Variants in NUP214 observed in about 807,000 individuals in gnomAD.
NUP214 encodes nuclear pore complex protein Nup214.
NUP214 carries 79 observed loss-of-function variants against 196.2 expected under a neutral mutation model. The observed-to-expected ratio is 0.40, with a 90% CI of 0.34 to 0.49. NUP214 has a LOEUF of 0.49. Among genes scored for constraint, NUP214 ranks in the 20% least tolerant of loss-of-function variants. The probability of loss-of-function intolerance (pLI) is 0.58; values close to 1 mark genes in which losing one functional copy is unlikely to be tolerated. For missense variants in NUP214, 2,468 were observed against 2,539.0 expected, an observed-to-expected ratio of 0.97 and a Z score of 0.60; for synonymous variants, 1,020 against 990.5, an observed-to-expected ratio of 1.03 and a Z score of -0.56.
At chr9:131,223,274 C>G (rs1834613968) in intron 32 of NUP214, among the ~76,000 whole-genome samples, 1 of 152,010 alleles carries the variant, frequency 6.6e-6, no homozygotes, top group Non-Finnish European at 1.5e-5. Context: ...TCAAGCGATT[C>G]TCCTGCCTCA....
At chr9:131,218,872 G>A (rs777424718) in intron 31 of NUP214, among the ~76,000 whole-genome samples, 4 of 152,028 alleles carry the variant, frequency 2.6e-5, no homozygotes, top group Admixed American at 6.6e-5. Context: ...CTTCTGGTTT[G>A]GTCAGTTTGT....
intron 30 of NUP214, among the ~76,000 whole-genome samples, chr9:131,206,560 A>G (rs1834094972): frequency 6.6e-6 from 1 of 151,332 alleles, no homozygotes; most frequent in Non-Finnish European, 1.5e-5. Context: ...TCCTCCTATC[A>G]GTTCTCCAGA....
chr9:131,169,587 G>A (rs981448429), intron 21 of NUP214, among the ~76,000 whole-genome samples: 2 of 152,204 alleles, frequency 1.3e-5, no homozygotes, highest in South Asian at 2.1e-4. Flanking sequence ...GTGACTAATG[G>A]CTACTGTAAT....
At chr9:131,142,102 A>G (rs550466540) in intron 11 of NUP214, among the ~76,000 whole-genome samples, 4 of 152,224 alleles carry the variant, frequency 2.6e-5, no homozygotes, top group African/African-American at 9.6e-5. Context: ...AGGGTAGTCC[A>G]TTATTCATAG....
At chr9:131,199,804 T>TGCTA (rs1187920255) in intron 29 of NUP214, among the ~76,000 whole-genome samples, 2 of 152,220 alleles carry the variant, frequency 1.3e-5, no homozygotes, top group Admixed American at 1.3e-4. Context: ...TACTAGTAAC[T>TGCTA]GCTAATTCAT....
intron 29 of NUP214, among the ~76,000 whole-genome samples, chr9:131,200,788 G>A (rs1833919444): frequency 6.6e-6 from 1 of 151,944 alleles, no homozygotes; most frequent in African/African-American, 2.4e-5. Context: ...GTATAGTTCT[G>A]CCTCATGTTC....
intron 30 of NUP214, among the ~76,000 whole-genome samples, chr9:131,209,190 T>C (rs1312855288): frequency 2.0e-5 from 3 of 151,742 alleles, no homozygotes; most frequent in African/African-American, 7.3e-5. Flanking sequence ...CTGGGCAACA[T>C]GGCAAAATTC....
rs373574483 is a variant in NUP214 at position 131,198,210 on chromosome 9, G to C, written c.4716G>C (p.Thr1572=). ...ALSAEATPAT[T]GVPDARTEAV... is the part of the protein sequence containing the mutation. ...CTGCAGAGGCTACCCCAGCCACCAC[G>C]GGGGTCCCTGATGCCAGGACGGAGG... Residue 1572 remains threonine (T), a synonymous_variant, in exon 29 of 36, where the codon ACG becomes ACC. Transcript: ENST00000359428. 3 of 1,614,182 alleles carry C rather than the reference G, an allele frequency of 1.9e-6. No homozygotes were observed. The highest frequency in any genetic ancestry group is 2.5e-6 in the Non-Finnish European group (3 of 1,180,024).
rs1833833562 is a variant in NUP214, at chr9:131,197,784, A to G, written c.4290A>G (p.Thr1430=). 1 of 1,614,068 alleles carries G rather than the reference A, an allele frequency of 6.2e-7. No homozygotes were observed. Among genetic ancestry groups the G allele is most frequent in the Non-Finnish European group, 8.5e-7 (1 of 1,180,048 alleles). The change falls in exon 29 of 36, where the codon ACA becomes ACG. Residue 1430 remains threonine, a synonymous_variant. Coordinates refer to ENST00000359428, the MANE Select transcript of NUP214 (RefSeq NM_005085.4). ...GSSGVISFGG[T]SLSAGKTSFS... is the part of the protein sequence containing the mutation. ...CTGGGGTCATCAGTTTTGGTGGGAC[A>G]TCTCTAAGTGCTGGCAAGACTAGTT...
chr9:131,136,096 A>G, intron 9 of NUP214, 90 bp downstream of exon 9: 2 of 1,063,886 alleles, frequency 1.9e-6, no homozygotes, highest in African/African-American at 1.6e-5. Flanking sequence ...GCTGGAGTGC[A>G]GTGGTGCAAT....
At position 131,150,669 on chromosome 9, in the gene NUP214, C is replaced by G. The variant is rs1391332218; in HGVS notation, c.2181C>G (p.Ala727=). Residue 727 remains alanine (A), a synonymous_variant, in exon 16 of 36, where the codon GCC becomes GCG. Coordinates refer to ENST00000359428, the MANE Select transcript of NUP214 (RefSeq NM_005085.4). ...LEELKARTSK[A]CFQVGTSEEM... ...AGTTAAAAGCCCGAACTTCCAAAGC[C>G]TGTTTCCAAGTGGGCACTTCTGAGG... 2 of 1,614,168 alleles carry G rather than the reference C, an allele frequency of 1.2e-6. No homozygotes were observed. Among genetic ancestry groups the G allele is most frequent in the African/African-American group, 2.7e-5 (2 of 75,048 alleles).
chr9:131,223,493 T>C (rs1265023800), intron 32 of NUP214, among the ~76,000 whole-genome samples: 1 of 151,540 alleles, frequency 6.6e-6, no homozygotes, highest in Non-Finnish European at 1.5e-5. Flanking sequence ...GAACACAGAT[T>C]CTTCTTGGGG....
intron 9 of NUP214, chr9:131,136,620 A>G (rs1362937020): frequency 1.3e-5 from 2 of 152,220 alleles, no homozygotes; most frequent in African/African-American, 2.4e-5. Context: ...ATGATAATCC[A>G]TCCTCAGTTA....
At chr9:131,204,658 A>T (rs889066440) in intron 30 of NUP214, among the ~76,000 whole-genome samples, 1 of 152,336 alleles carries the variant, frequency 6.6e-6, no homozygotes, top group Non-Finnish European at 1.5e-5. Context: ...AGAGAGCGAA[A>T]TGAAAGATAC....
chr9:131,174,319 G>GT lies in NUP214; in HGVS notation c.3157+2dup, dbSNP rs1359570589. 3.7e-6 allele frequency: 6 copies of GT among 1,603,390 alleles called. No homozygotes were observed. In the African/African-American group the frequency reaches 6.7e-5, roughly 18 times the overall value. ...TCACCTGGTGTGATGGGAACTTCAGGTAAGTAAACAGTGGGAAAGGAAACT... is the reference window on the plus strand; with the variant it reads ...TCACCTGGTGTGATGGGAACTTCAGGTTAAGTAAACAGTGGGAAAGGAAACT... On this transcript the variant is annotated splice_donor_variant, in intron 22 of 35. Transcript: ENST00000359428. LOFTEE classifies it high-confidence loss of function.
chr9:131,196,618 A>T (rs1202566058), intron 28 of NUP214, among the ~76,000 whole-genome samples: 1 of 152,180 alleles, frequency 6.6e-6, no homozygotes, highest in Non-Finnish European at 1.5e-5. Context: ...AGGTAAAGCA[A>T]CCTTTCCAGA....
chr9:131,205,696 G>T (rs548904938), intron 30 of NUP214, among the ~76,000 whole-genome samples: 1 of 152,040 alleles, frequency 6.6e-6, no homozygotes, highest in Non-Finnish European at 1.5e-5. Flanking sequence ...TTGTTTTTTT[G>T]TTGTTGTTTT....
chr9:131,158,245 A>G (rs539523305), intron 17 of NUP214, among the ~76,000 whole-genome samples: 48 of 151,958 alleles, frequency 3.2e-4, no homozygotes, highest in African/African-American at 1.2e-3. Context: ...TGCCCAGCTA[A>G]TTTTTGTATT....
rs34588166 is a variant in NUP214 at position 131,161,259 on chromosome 9, C to CTT, written c.2541-1717_2541-1716dup. ...ATTACCTTGAACCCTATTGAAATGC[C>CTT]TTTTTTTTTTTTTTTTGAGACTAAG... On this transcript the variant is annotated intron_variant, in intron 18 of 35. Transcript: ENST00000359428. Among the ~76,000 whole-genome samples the CTT allele has an allele frequency of 1.8e-3, 251 of 136,186 alleles. 2 individuals are homozygous for CTT. The highest frequency in any genetic ancestry group is 6.3e-3 in the African/African-American group (233 of 37,196). The allele number at this position is 136,186 out of a possible 152,430, so 89.3% of individuals were successfully genotyped here.
Sources: gnomAD v4.1 joint callset for allele counts (sites outside exome capture counted in the v4.1 genomes callset) on GRCh38, gnomAD v4.1.1 for gene constraint, MANE v1.5 for transcripts, NCBI Gene and HGNC (gene_info 2026-07-23, HGNC 2026-07-21) for gene names.